The following MTUS1 variants were observed in gnomAD, a reference collection of about 807,000 sequenced individuals.
The protein encoded by MTUS1 is microtubule associated scaffold protein 1.
A neutral mutation model predicts 120.8 loss-of-function variants in MTUS1; 109 were observed. The observed-to-expected ratio is 0.90, with a 90% CI of 0.77 to 1.06. The LOEUF (loss-of-function observed/expected upper bound fraction) is 1.06. Ranked by LOEUF, MTUS1 falls within the 50% of genes least tolerant of loss-of-function variation. The pLI is 0.00. For synonymous variants in MTUS1, 737 were observed against 550.5 expected, an observed-to-expected ratio of 1.34 and a Z score of -4.74; for missense variants, 2,210 against 1,486.3, an observed-to-expected ratio of 1.49 and a Z score of -8.01.
chr8:17,739,330 T>C (rs567940743), intron 3 of MTUS1, among the ~76,000 whole-genome samples: 4 of 150,880 alleles, frequency 2.7e-5, no homozygotes, highest in South Asian at 2.1e-4. Context: ...CCTATCTCTA[T>C]TAAAAATGCA....
At chr8:17,735,558 T>A (rs997353275) in intron 3 of MTUS1, among the ~76,000 whole-genome samples, 5 of 152,202 alleles carry the variant, frequency 3.3e-5, no homozygotes, top group Non-Finnish European at 7.3e-5. Context: ...CCCAAGCACA[T>A]GGTATCCTTT....
intron 6 of MTUS1, among the ~76,000 whole-genome samples, chr8:17,701,018 T>TA (rs770950079): frequency 6.6e-6 from 1 of 152,162 alleles, no homozygotes; most frequent in Non-Finnish European, 1.5e-5. Context: ...ATGGGGTGCT[T>TA]AGATGCTACA....
chr8:17,732,520 C>G (rs748283601), intron 3 of MTUS1, among the ~76,000 whole-genome samples: 25 of 152,186 alleles, frequency 1.6e-4, no homozygotes, highest in Non-Finnish European at 3.2e-4. Context: ...CCGTGGGGCT[C>G]TCATCCAGTC....
intron 1 of MTUS1, among the ~76,000 whole-genome samples, chr8:17,775,804 G>A (rs773743588): frequency 4.6e-5 from 7 of 152,180 alleles, no homozygotes; most frequent in African/African-American, 1.2e-4. Context: ...AGGCAGCCTG[G>A]CCAACCTGGG....
rs1563329902 is a variant in MTUS1, at chr8:17,754,755, A to C, written c.1053T>G (p.Pro351=). 2 of 1,614,256 alleles carry C rather than the reference A, an allele frequency of 1.2e-6. No homozygotes were observed. Among genetic ancestry groups the C allele is most frequent in the Admixed American group, 3.3e-5 (2 of 60,028 alleles). ...VSYCLIDDEC[P]LMVPAFDKSE... is the part of the protein sequence containing the mutation. ...TCTTATCAAAAGCTGGCACCATTAAAGGGCATTCATCATCAATAAGACAAT... is the reference window on the plus strand; with the variant it reads ...TCTTATCAAAAGCTGGCACCATTAACGGGCATTCATCATCAATAAGACAAT... Residue 351 remains proline (P), a synonymous_variant, in exon 2 of 15, where the codon CCT becomes CCG. Transcript: ENST00000693296.
chr8:17,725,012 T>C (rs1415771507), intron 3 of MTUS1, among the ~76,000 whole-genome samples: 5 of 152,234 alleles, frequency 3.3e-5, no homozygotes, highest in South Asian at 4.1e-4. Flanking sequence ...CGCCTCAGTC[T>C]CCCAAACTGC....
intron 1 of MTUS1, among the ~76,000 whole-genome samples, chr8:17,797,459 C>G (rs1478927261): frequency 6.8e-6 from 1 of 146,464 alleles, no homozygotes; most frequent in Admixed American, 6.9e-5. Context: ...GAAGAAATTA[C>G]AAGTCAAATT....
At chr8:17,746,220 T>C (rs1363521711) in intron 2 of MTUS1, among the ~76,000 whole-genome samples, 3 of 152,202 alleles carry the variant, frequency 2.0e-5, no homozygotes. Context: ...TACATGATCT[T>C]GGCTGCTGTT....
intron 1 of MTUS1, among the ~76,000 whole-genome samples, chr8:17,782,860 CTGAAG>C (rs2050980731): frequency 6.6e-6 from 1 of 152,150 alleles, no homozygotes; most frequent in African/African-American, 2.4e-5. Context: ...GGTGGATCAC[CTGAAG>C]TCAGGAGTTC....
In MTUS1 at chr8:17,754,922, A is replaced by C. The variant is rs770071508; in HGVS notation, c.886T>G (p.Ser296Ala). 7.4e-6 allele frequency: 12 copies of C among 1,614,038 alleles called. No homozygotes were observed. In the Admixed American group the frequency reaches 2.0e-4, roughly 27 times the overall value. ...EKETQALTPVSDGMEVPNDSA... is the reference protein window; with the variant it reads ...EKETQALTPVADGMEVPNDSA... ...TCATTGGGGACTTCCATGCCATCAG[A>C]AACTGGTGTTAGTGCTTGTGTCTCC... is the stretch of plus-strand genomic sequence containing the variant. Residue 296 changes from serine (S) to alanine (A), a missense_variant, in exon 2 of 15, where the codon TCT becomes GCT. Ser to Ala is a moderately conservative substitution (Grantham distance 99, BLOSUM62 1). Transcript: ENST00000693296.
rs1502145 is a variant in MTUS1, at chr8:17,772,862, A to G, written c.-154-16901T>C. ...AAAGGTAAGGAAAAACCATATGAAC[A>G]TAAGGTGCCCTTGAAAAGTACTGGC... is the stretch of plus-strand genomic sequence containing the variant. On this transcript the variant is annotated intron_variant, in intron 1 of 14. Transcript: ENST00000693296. Among the ~76,000 whole-genome samples the G allele has an allele frequency of 3.6e-3, 550 of 152,350 alleles. 4 individuals carry two copies. The highest frequency in any genetic ancestry group is 0.013 in the African/African-American group (520 of 41,588).
chr8:17,798,557 C>A (rs1034890604), intron 1 of MTUS1, among the ~76,000 whole-genome samples: 2 of 152,178 alleles, frequency 1.3e-5, no homozygotes, highest in Non-Finnish European at 2.9e-5. Flanking sequence ...TGGTCTCGAA[C>A]CCCTGACCTC....
rs1487952576 is a variant in MTUS1, at chr8:17,754,145, T to G, written c.1663A>C (p.Arg555=). ...GCATTCAAGTCAGATCTCGGTGTTCTGCTCAAGACTGTTTGTTGTCTTGAA... is the reference window on the plus strand; with the variant it reads ...GCATTCAAGTCAGATCTCGGTGTTCGGCTCAAGACTGTTTGTTGTCTTGAA... ...VNSRQQTVLS[R]TPRSDLNADK... Residue 555 remains arginine, a synonymous_variant, in exon 2 of 15, where the codon AGA becomes CGA. Transcript: ENST00000693296. 2.5e-6 allele frequency: 4 copies of G among 1,613,868 alleles called. No homozygotes were observed. The highest frequency in any genetic ancestry group is 3.4e-6 in the Non-Finnish European group (4 of 1,180,030).
intron 1 of MTUS1, among the ~76,000 whole-genome samples, chr8:17,794,868 G>T (rs2052093288): frequency 6.6e-6 from 1 of 152,086 alleles, no homozygotes; most frequent in African/African-American, 2.4e-5. Flanking sequence ...ATCTATGCTG[G>T]CTTCTATTTT....
intron 12 of MTUS1, among the ~76,000 whole-genome samples, chr8:17,652,434 A>C (rs559159127): frequency 6.6e-6 from 1 of 152,278 alleles, no homozygotes; most frequent in African/African-American, 2.4e-5. Context: ...TTCATTCCTC[A>C]GAATAAGTAA....
chr8:17,753,123 G>A (rs2048321303), intron 2 of MTUS1, among the ~76,000 whole-genome samples: 1 of 152,062 alleles, frequency 6.6e-6, no homozygotes, highest in South Asian at 2.1e-4. Flanking sequence ...ATATATTAAG[G>A]CTGCAAGAGG....
rs71215272 is a variant in MTUS1 at position 17,776,678 on chromosome 8, C to CAAA, written c.-154-20720_-154-20718dup. ...TGGGTGACTGAGTGAGACTCTGTCT[C>CAAA]AAAAAAAAAAAAAAAAAAAAAAAAA... On this transcript the variant is annotated intron_variant, in intron 1 of 14. Coordinates refer to ENST00000693296, the MANE Select transcript of MTUS1 (RefSeq NM_001363059.2). Among the ~76,000 whole-genome samples, 36 of 55,182 alleles carry CAAA rather than the reference C, an allele frequency of 6.5e-4. 1 individual carries two copies. Among genetic ancestry groups the CAAA allele is most frequent in the Admixed American group, 2.2e-3 (7 of 3,144 alleles). The allele number at this position is 55,182 out of a possible 152,430, so 36.2% of individuals were successfully genotyped here. A position where few individuals can be genotyped will look rare whatever the true frequency, so the allele number is the denominator to read the frequency against.
chr8:17,778,726 T>G (rs947312265), intron 1 of MTUS1, among the ~76,000 whole-genome samples: 5 of 152,064 alleles, frequency 3.3e-5, no homozygotes, highest in African/African-American at 1.2e-4. Context: ...GGAGGATCGT[T>G]TGGGCCCTGG....
At chr8:17,649,747 G>A in intron 13 of MTUS1, 99 bp downstream of exon 13, 1 of 700,458 alleles carries the variant, frequency 1.4e-6, no homozygotes, top group Non-Finnish European at 2.5e-6. Context: ...AATATCTTTA[G>A]GAGCAGTTAA....
Sources: allele counts gnomAD v4.1 joint callset (sites outside exome capture counted in the v4.1 genomes callset), GRCh38; gene constraint gnomAD v4.1.1; transcripts MANE v1.5; gene names NCBI Gene and HGNC (gene_info 2026-07-23, HGNC 2026-07-21).